The following ASH1L variants were observed in gnomAD, a reference collection of about 807,000 sequenced individuals.
The protein encoded by ASH1L is histone-lysine N-methyltransferase ASH1L.
A neutral mutation model predicts 269.0 loss-of-function variants in ASH1L; 23 were observed. The ratio of observed to expected loss-of-function variants is 0.09; its 90% CI spans 0.06 to 0.12. The LOEUF (loss-of-function observed/expected upper bound fraction) is 0.12, where lower values mean the gene tolerates loss of function less well. ASH1L is among the 10% of genes least tolerant of loss of function. ASH1L has a pLI of 1.00. For synonymous variants in ASH1L, 1,187 were observed against 1,253.5 expected (o/e 0.95, Z 1.12); for missense variants, 2,912 against 3,567.8 (o/e 0.82, Z 4.68).
intron 5 of ASH1L, among the ~76,000 whole-genome samples, chr1:155,437,350 T>C (rs1336135755): frequency 6.6e-6 from 1 of 152,110 alleles, no homozygotes; most frequent in Non-Finnish European, 1.5e-5. Flanking sequence ...TGAAAATATG[T>C]TTGTCACTAA....
Position 155,562,424 on chromosome 1 carries a change from GAGCGGCGGCGGCGGCGGCGGC to G in ASH1L, c.-392_-372del. ...CAAAGCGAACCCAAAATGGCGGCGG[GAGCGGCGGCGGCGGCGGCGGC>G]AGCAGCAGAGTGGCGGCGGTGGCGG... On this transcript the variant is annotated 5_prime_UTR_variant, in exon 1 of 28. Coordinates refer to ENST00000392403, the MANE Select transcript of ASH1L (RefSeq NM_018489.3). 6.8e-7 allele frequency: 1 copy of G among 1,480,540 alleles called. No homozygotes were observed. The highest frequency in any genetic ancestry group is 9.2e-7 in the Non-Finnish European group (1 of 1,092,136). 91.7% of individuals were successfully genotyped at this position (1,480,540 alleles called of 1,614,324 possible).
chr1:155,489,076 G>A (rs1382185327), intron 2 of ASH1L, among the ~76,000 whole-genome samples: 2 of 152,150 alleles, frequency 1.3e-5, no homozygotes, highest in Non-Finnish European at 2.9e-5. Context: ...ACCTTTATGT[G>A]TAAATAAGAG....
At chr1:155,457,544 G>A (rs1663951021) in intron 4 of ASH1L, among the ~76,000 whole-genome samples, 1 of 152,176 alleles carries the variant, frequency 6.6e-6, no homozygotes, top group African/African-American at 2.4e-5. Flanking sequence ...TAGTGTGCGT[G>A]ACTTATTCAG....
At chr1:155,444,460 T>C in intron 4 of ASH1L, among the ~76,000 whole-genome samples, 1 of 152,332 alleles carries the variant, frequency 6.6e-6, no homozygotes, top group East Asian at 1.9e-4. Context: ...TTTATAAATT[T>C]AATTTGCATT....
chr1:155,389,357 C>A (rs1242808791), intron 7 of ASH1L, among the ~76,000 whole-genome samples: 1 of 151,496 alleles, frequency 6.6e-6, no homozygotes, highest in Non-Finnish European at 1.5e-5. Flanking sequence ...TTTATATTAT[C>A]TGAATATATG....
chr1:155,427,737 C>T (rs1432936567), intron 5 of ASH1L, among the ~76,000 whole-genome samples: 1 of 152,266 alleles, frequency 6.6e-6, no homozygotes, highest in East Asian at 1.9e-4. Context: ...CTGCACCCGG[C>T]CCCTGATACA....
chr1:155,429,578 C>T (rs1661451590), intron 5 of ASH1L, among the ~76,000 whole-genome samples: 1 of 152,134 alleles, frequency 6.6e-6, no homozygotes, highest in African/African-American at 2.4e-5. Context: ...ATTAGATTTA[C>T]ATGAAATTCA....
At chr1:155,539,332 C>CA (rs1020091787) in intron 1 of ASH1L, among the ~76,000 whole-genome samples, 13 of 151,954 alleles carry the variant, frequency 8.6e-5, no homozygotes, top group Admixed American at 7.2e-4. Flanking sequence ...CTGACTTGTC[C>CA]AAAAAAACCA....
At chr1:155,556,918 G>A (rs1314313262) in intron 1 of ASH1L, among the ~76,000 whole-genome samples, 5 of 152,144 alleles carry the variant, frequency 3.3e-5, no homozygotes, top group Non-Finnish European at 5.9e-5. Flanking sequence ...GCATGTGCCT[G>A]TAATCCCAGT....
intron 1 of ASH1L, among the ~76,000 whole-genome samples, chr1:155,556,000 T>C (rs1671561017): frequency 6.6e-6 from 1 of 152,326 alleles, no homozygotes; most frequent in Non-Finnish European, 1.5e-5. Context: ...GTTAACTGTG[T>C]TGATAACTGC....
chr1:155,549,167 ACT>A (rs942001456), intron 1 of ASH1L, among the ~76,000 whole-genome samples: 1 of 151,976 alleles, frequency 6.6e-6, no homozygotes, highest in Non-Finnish European at 1.5e-5. Flanking sequence ...ATAAAGCATG[ACT>A]CTCTCTCTAC....
At chr1:155,493,473 T>C (rs1366228182) in intron 2 of ASH1L, among the ~76,000 whole-genome samples, 6 of 152,376 alleles carry the variant, frequency 3.9e-5, no homozygotes, top group African/African-American at 1.2e-4. Flanking sequence ...CTTTTATTAA[T>C]AAATTCTTCT....
chr1:155,535,649 A>G (rs1379379140), intron 1 of ASH1L, among the ~76,000 whole-genome samples: 1 of 138,124 alleles, frequency 7.2e-6, no homozygotes, highest in Non-Finnish European at 1.5e-5. Flanking sequence ...CCATCTCTTA[A>G]AAAAAAAAAA....
chr1:155,438,674 A>C lies in ASH1L; in HGVS notation c.5481T>G (p.Asn1827Lys). ...GAAGTTTTTTGGCTTTTAAGATTTTATTGACATGGTCTAGGTTTTTCTTTG... is the reference window on the plus strand; with the variant it reads ...GAAGTTTTTTGGCTTTTAAGATTTTCTTGACATGGTCTAGGTTTTTCTTTG... ...LATKKNLDHV[N>K]KILKAKKLQR... The change falls in exon 5 of 28, where the codon AAT becomes AAG. Residue 1827 changes from asparagine to lysine, a missense_variant. This residue lies in a region of ASH1L where 789 missense variants were observed against 897.6 expected (regional missense o/e 0.88). Coordinates refer to ENST00000392403, the MANE Select transcript of ASH1L (RefSeq NM_018489.3). 3 of 1,614,136 alleles carry C rather than the reference A, an allele frequency of 1.9e-6. No homozygotes were observed. The highest frequency in any genetic ancestry group is 2.5e-6 in the Non-Finnish European group (3 of 1,180,026).
intron 12 of ASH1L, among the ~76,000 whole-genome samples, chr1:155,369,062 AATGACAAAGT>A (rs1304238848): frequency 2.6e-5 from 4 of 152,160 alleles, no homozygotes; most frequent in African/African-American, 9.7e-5. Context: ...AACTTTCTGA[AATGACAAAGT>A]ATGTCATATT....
chr1:155,473,838 T>C (rs1480875086), intron 3 of ASH1L, among the ~76,000 whole-genome samples: 3 of 151,932 alleles, frequency 2.0e-5, no homozygotes, highest in Non-Finnish European at 4.4e-5. Context: ...ACAATATATA[T>C]ACATATATTT....
rs1457607540 is a variant in ASH1L at position 155,353,716 on chromosome 1, G to A, written c.7213+757C>T. On this transcript the variant is annotated intron_variant, in intron 16 of 27. Coordinates refer to ENST00000392403, the MANE Select transcript of ASH1L (RefSeq NM_018489.3). ...AAGGTCTTCAAACTGATAATGACCCGTCCCCCACTGAATCTGAATGTGAGA... is the reference window on the plus strand; with the variant it reads ...AAGGTCTTCAAACTGATAATGACCCATCCCCCACTGAATCTGAATGTGAGA... Among the ~76,000 whole-genome samples, 16 of 152,070 alleles carry A rather than the reference G, an allele frequency of 1.1e-4. No homozygotes were observed. The South Asian group carries it at 2.1e-3, about 20-fold the overall frequency.
intron 1 of ASH1L, among the ~76,000 whole-genome samples, chr1:155,539,528 T>C (rs1670282306): frequency 6.6e-6 from 1 of 152,018 alleles, no homozygotes; most frequent in African/African-American, 2.4e-5. Context: ...ACGATCATAG[T>C]TCACTGCAGT....
chr1:155,557,464 T>C (rs1271634218), intron 1 of ASH1L, among the ~76,000 whole-genome samples: 2 of 151,676 alleles, frequency 1.3e-5, no homozygotes, highest in Non-Finnish European at 2.9e-5. Flanking sequence ...GTATTTTTGG[T>C]AGAGACAGGG....
Sources: gnomAD v4.1 joint callset for allele counts (sites outside exome capture counted in the v4.1 genomes callset) on GRCh38, gnomAD v4.1.1 for gene constraint, gnomAD v4.1.1 regional missense constraint, MANE v1.5 for transcripts, NCBI Gene and HGNC (gene_info 2026-07-23, HGNC 2026-07-21) for gene names.